The following LRRTM4 variants were observed in gnomAD, a reference collection of about 807,000 sequenced individuals.
LRRTM4 encodes the protein leucine rich repeat transmembrane neuronal 4.
A neutral mutation model predicts 47.6 loss-of-function variants in LRRTM4; 25 were observed. The observed-to-expected ratio is 0.53, with a 90% CI of 0.38 to 0.73. LRRTM4 has a LOEUF of 0.73. LRRTM4 is among the 30% of genes least tolerant of loss of function. LRRTM4 has a pLI of 0.00. For synonymous variants in LRRTM4, 311 were observed against 269.5 expected (o/e 1.15, Z -1.51); for missense variants, 638 against 713.4 (o/e 0.89, Z 1.20).
At chr2:76,906,379 A>C (rs1268936956) in intron 3 of LRRTM4, among the ~76,000 whole-genome samples, 2 of 152,158 alleles carry the variant, frequency 1.3e-5, no homozygotes, top group African/African-American at 4.8e-5. Context: ...CCAGTACCAG[A>C]TGCTGCAAAG....
intron 3 of LRRTM4, among the ~76,000 whole-genome samples, chr2:77,017,044 C>G (rs1329472211): frequency 6.6e-6 from 1 of 152,060 alleles, no homozygotes; most frequent in Non-Finnish European, 1.5e-5. Context: ...GGGTGTTATT[C>G]ATTTTAAAGG....
At position 76,874,221 on chromosome 2, in the gene LRRTM4, A is replaced by C. The variant is rs114123080; in HGVS notation, c.1552-125305T>G. On this transcript the variant is annotated intron_variant, in intron 3 of 3. Transcript: ENST00000409884. ...GTTCATCCTTCATGTCTCATCTTAGAAAACAGTCAAGGAAGTCTGACTTTG... is the reference window on the plus strand; with the variant it reads ...GTTCATCCTTCATGTCTCATCTTAGCAAACAGTCAAGGAAGTCTGACTTTG... Among the ~76,000 whole-genome samples, 433 of 152,078 alleles carry C rather than the reference A, an allele frequency of 2.8e-3. 5 individuals are homozygous for C. Among genetic ancestry groups the C allele is most frequent in the African/African-American group, 9.9e-3 (409 of 41,472 alleles).
chr2:77,485,391 C>A (rs977255031), intron 3 of LRRTM4, among the ~76,000 whole-genome samples: 4 of 152,098 alleles, frequency 2.6e-5, no homozygotes, highest in Admixed American at 2.6e-4. Flanking sequence ...CAAAATAGGA[C>A]ACAAAATAAT....
Position 77,373,393 on chromosome 2 carries a change from G to A in LRRTM4, c.1551+144925C>T, listed in dbSNP as rs149116073. ...AAAAAACCATTTGTCTTAAATTGCCGTTTGCCTCCAGACTCAGAAATCCAA... is the reference window on the plus strand; with the variant it reads ...AAAAAACCATTTGTCTTAAATTGCCATTTGCCTCCAGACTCAGAAATCCAA... On this transcript the variant is annotated intron_variant, in intron 3 of 3. Transcript: ENST00000409884. Among the ~76,000 whole-genome samples the A allele has an allele frequency of 4.2e-3, 630 of 151,562 alleles. 2 individuals are homozygous for A. Among genetic ancestry groups the A allele is most frequent in the African/African-American group, 0.012 (510 of 41,432 alleles).
chr2:76,862,448 A>T (rs1672340673), intron 3 of LRRTM4, among the ~76,000 whole-genome samples: 1 of 151,892 alleles, frequency 6.6e-6, no homozygotes, highest in Admixed American at 6.6e-5. Context: ...AGAGTGTTAA[A>T]AGCCAGCTGT....
rs150617425 is a variant in LRRTM4, at chr2:77,338,159, A to T, written c.1551+180159T>A. Among the ~76,000 whole-genome samples the T allele has an allele frequency of 8.4e-3, 1,277 of 152,140 alleles. 22 individuals carry two copies. Among genetic ancestry groups the T allele is most frequent in the African/African-American group, 0.03 (1,241 of 41,510 alleles). On this transcript the variant is annotated intron_variant, in intron 3 of 3. Transcript: ENST00000409884. ...ATCCCTGGAACACAACCTAGGCAAC[A>T]CCATTCTGGCCATTGACCTTGAGAA...
intron 3 of LRRTM4, among the ~76,000 whole-genome samples, chr2:76,878,820 G>A (rs972673726): frequency 1.3e-5 from 2 of 152,038 alleles, no homozygotes; most frequent in African/African-American, 2.4e-5. Flanking sequence ...CTTGTGAAGA[G>A]CCAAGATGGC....
intron 3 of LRRTM4, among the ~76,000 whole-genome samples, chr2:77,489,216 A>C (rs2104039857): frequency 6.6e-6 from 1 of 152,262 alleles, no homozygotes; most frequent in Admixed American, 6.5e-5. Context: ...AGAAGACTAT[A>C]ATCTGTCTGA....
chr2:77,199,031 T>C (rs1455660166), intron 3 of LRRTM4, among the ~76,000 whole-genome samples: 3 of 152,204 alleles, frequency 2.0e-5, no homozygotes, highest in South Asian at 2.1e-4. Flanking sequence ...GTGTCCTTGG[T>C]ATCTGTAGAT....
intron 3 of LRRTM4, among the ~76,000 whole-genome samples, chr2:76,975,237 T>C (rs1305400058): frequency 6.6e-6 from 1 of 151,772 alleles, no homozygotes; most frequent in African/African-American, 2.4e-5. Flanking sequence ...TAGATAGTGC[T>C]CTGTTTTTGC....
At chr2:77,159,406 A>G (rs1672647489) in intron 3 of LRRTM4, among the ~76,000 whole-genome samples, 1 of 152,016 alleles carries the variant, frequency 6.6e-6, no homozygotes, top group Non-Finnish European at 1.5e-5. Flanking sequence ...TAGCATTAGG[A>G]GATATACCTA....
chr2:77,064,758 T>A (rs1211742898), intron 3 of LRRTM4, among the ~76,000 whole-genome samples: 3 of 152,164 alleles, frequency 2.0e-5, no homozygotes, highest in South Asian at 4.1e-4. Flanking sequence ...ATTATCCACC[T>A]CTTTTGGGGA....
At chr2:76,868,697 A>G (rs544642181) in intron 3 of LRRTM4, among the ~76,000 whole-genome samples, 1 of 152,310 alleles carries the variant, frequency 6.6e-6, no homozygotes, top group South Asian at 2.1e-4. Context: ...TGGATTTGCA[A>G]TAGGTAACAT....
intron 3 of LRRTM4, among the ~76,000 whole-genome samples, chr2:76,856,558 G>A (rs1672156752): frequency 6.6e-6 from 1 of 151,958 alleles, no homozygotes; most frequent in African/African-American, 2.4e-5. Context: ...CCTGCTTTGT[G>A]TTTAAAATTT....
intron 3 of LRRTM4, among the ~76,000 whole-genome samples, chr2:76,767,107 T>C (rs1049443645): frequency 6.6e-6 from 1 of 152,164 alleles, no homozygotes; most frequent in Non-Finnish European, 1.5e-5. Context: ...ATCCTCCCCT[T>C]AACACTACTC....
At chr2:77,147,720 G>A (rs914940165) in intron 3 of LRRTM4, among the ~76,000 whole-genome samples, 1 of 152,066 alleles carries the variant, frequency 6.6e-6, no homozygotes, top group Non-Finnish European at 1.5e-5. Context: ...ATGTAATTGA[G>A]AACATTCAAA....
intron 3 of LRRTM4, among the ~76,000 whole-genome samples, chr2:76,776,037 T>A (rs1463497759): frequency 1.3e-5 from 2 of 152,168 alleles, no homozygotes; most frequent in African/African-American, 2.4e-5. Context: ...AGTAGTTTAC[T>A]GAGAATGATG....
intron 3 of LRRTM4, among the ~76,000 whole-genome samples, chr2:77,177,534 A>T (rs1673231759): frequency 6.6e-6 from 1 of 152,154 alleles, no homozygotes; most frequent in Non-Finnish European, 1.5e-5. Context: ...CTTAAAAGTT[A>T]CCAAGGTGCA....
chr2:76,891,528 A>G (rs1173351184), intron 3 of LRRTM4, among the ~76,000 whole-genome samples: 3 of 151,782 alleles, frequency 2.0e-5, no homozygotes, highest in Non-Finnish European at 4.4e-5. Context: ...AAAAGAAAAA[A>G]TACTAGATAA....
Sources: allele counts gnomAD v4.1 joint callset (sites outside exome capture counted in the v4.1 genomes callset), GRCh38; gene constraint gnomAD v4.1.1; transcripts MANE v1.5; gene names NCBI Gene and HGNC (gene_info 2026-07-23, HGNC 2026-07-21).